The following SOCS6 variants were observed in gnomAD, a reference collection of about 807,000 sequenced individuals.
SOCS6 encodes the protein suppressor of cytokine signaling 6, also known as STAT induced STAT inhibitor-4.
In SOCS6, 5 loss-of-function variants were observed where a neutral mutation model predicts 27.7. The observed-to-expected ratio is 0.18, with a 90% CI of 0.09 to 0.38. The LOEUF is 0.38. Ranked by LOEUF, SOCS6 falls within the 10% of genes least tolerant of loss-of-function variation. The probability of loss-of-function intolerance (pLI) is 1.00; values close to 1 mark genes in which losing one functional copy is unlikely to be tolerated. For synonymous variants in SOCS6, 271 were observed against 260.0 expected (o/e 1.04, Z -0.41); for missense variants, 595 against 688.1 (o/e 0.86, Z 1.51).
rs574356822 is a variant in SOCS6, at chr18:70,302,686, A to C, written c.-127+13596A>C. ...TGAGTAGGAAGGGAAGAGGGTCTTGAAAAGCTGGTAGGCTTATCACTCTTG... is the reference window on the plus strand; with the variant it reads ...TGAGTAGGAAGGGAAGAGGGTCTTGCAAAGCTGGTAGGCTTATCACTCTTG... On this transcript the variant is annotated intron_variant, in intron 1 of 1. Coordinates refer to ENST00000397942, the MANE Select transcript of SOCS6 (RefSeq NM_004232.4). Among the ~76,000 whole-genome samples, 10 of 152,302 alleles carry C rather than the reference A, an allele frequency of 6.6e-5. No homozygotes were observed. In the South Asian group the frequency reaches 2.1e-3, roughly 32 times the overall value.
intron 1 of SOCS6, among the ~76,000 whole-genome samples, chr18:70,315,770 C>T (rs890368474): frequency 6.6e-6 from 1 of 151,950 alleles, no homozygotes; most frequent in Non-Finnish European, 1.5e-5. Context: ...TAATTCCTTA[C>T]CAGGTAGTTT....
At chr18:70,322,005 A>G (rs1472418840) in intron 1 of SOCS6, among the ~76,000 whole-genome samples, 1 of 152,198 alleles carries the variant, frequency 6.6e-6, no homozygotes, top group African/African-American at 2.4e-5. Flanking sequence ...ATTATGTGTT[A>G]TGATGACTGA....
At chr18:70,310,494 GA>G in intron 1 of SOCS6, among the ~76,000 whole-genome samples, 1 of 128,976 alleles carries the variant, frequency 7.8e-6, no homozygotes, top group Middle Eastern at 4.2e-3. Flanking sequence ...TTTTTGCAGA[GA>G]CAGGATCTTC....
intron 1 of SOCS6, among the ~76,000 whole-genome samples, chr18:70,306,875 G>C (rs1056385515): frequency 2.6e-5 from 4 of 152,094 alleles, no homozygotes; most frequent in African/African-American, 9.7e-5. Flanking sequence ...TGCATCAATT[G>C]GTTATTGATG....
chr18:70,317,845 C>G (rs968138504), intron 1 of SOCS6, among the ~76,000 whole-genome samples: 3 of 152,044 alleles, frequency 2.0e-5, no homozygotes, highest in Non-Finnish European at 4.4e-5. Flanking sequence ...ACACCAACAT[C>G]GTTTTGTTTG....
intron 1 of SOCS6, among the ~76,000 whole-genome samples, chr18:70,302,287 G>C (rs1187299416): frequency 6.6e-6 from 1 of 152,092 alleles, no homozygotes; most frequent in Non-Finnish European, 1.5e-5. Flanking sequence ...GAAATAGGAA[G>C]TTGGGCCATC....
intron 1 of SOCS6, among the ~76,000 whole-genome samples, chr18:70,313,186 T>C (rs1392533593): frequency 3.9e-5 from 6 of 152,228 alleles, no homozygotes; most frequent in Admixed American, 3.9e-4. Context: ...TTATTACCTT[T>C]CTTCTTCCTT....
Position 70,324,817 on chromosome 18 carries a change from A to G in SOCS6, c.149A>G (p.Asp50Gly). The G allele has an allele frequency of 6.2e-7, 1 of 1,614,240 alleles. No individual in the cohort carries two copies. The highest frequency in any genetic ancestry group is 8.5e-7 in the Non-Finnish European group (1 of 1,180,038). ...DSLFGSCYGKDMASCDINGED... is the reference protein window; with the variant it reads ...DSLFGSCYGKGMASCDINGED... ...TTATTTGGTAGCTGCTATGGTAAAG[A>G]TATGGCCAGCTGCGATATCAACGGT... Residue 50 changes from aspartate (D) to glycine (G), a missense_variant, in exon 2 of 2, where the codon GAT (aspartate) becomes GGT (glycine). Transcript: ENST00000397942.
chr18:70,316,241 A>G lies in SOCS6; in HGVS notation c.-126-8302A>G, dbSNP rs570340748. ...AGTCATTTAAAGATGTTTGATTTTA[A>G]TTTAATTAATTTTTTTTTGTTTGTC... On this transcript the variant is annotated intron_variant, in intron 1 of 1. Coordinates refer to ENST00000397942, the MANE Select transcript of SOCS6 (RefSeq NM_004232.4). Among the ~76,000 whole-genome samples, 18 of 152,176 alleles carry G rather than the reference A, an allele frequency of 1.2e-4. 1 individual carries two copies. Among genetic ancestry groups the G allele is most frequent in the African/African-American group, 4.3e-4 (18 of 41,538 alleles).
At chr18:70,305,380 G>C (rs1393739843) in intron 1 of SOCS6, among the ~76,000 whole-genome samples, 1 of 152,156 alleles carries the variant, frequency 6.6e-6, no homozygotes, top group African/African-American at 2.4e-5. Context: ...CTCGTCTTGG[G>C]ACGTTTCTTG....
intron 1 of SOCS6, among the ~76,000 whole-genome samples, chr18:70,310,279 GGT>G (rs1491181355): frequency 9.7e-5 from 12 of 124,028 alleles, no homozygotes; most frequent in African/African-American, 1.5e-4. Context: ...TTTCATAAAT[GGT>G]TTTTTTTTTT....
At chr18:70,321,739 A>G (rs1169431451) in intron 1 of SOCS6, among the ~76,000 whole-genome samples, 2 of 152,174 alleles carry the variant, frequency 1.3e-5, no homozygotes, top group African/African-American at 2.4e-5. Context: ...TTCTGAGACC[A>G]GAATGTTTGA....
chr18:70,313,717 C>T (rs2062399631), intron 1 of SOCS6, among the ~76,000 whole-genome samples: 1 of 152,166 alleles, frequency 6.6e-6, no homozygotes, highest in Admixed American at 6.5e-5. Context: ...ACTTTCTATT[C>T]TGTCATTTCC....
intron 1 of SOCS6, among the ~76,000 whole-genome samples, chr18:70,294,805 C>G (rs547695163): frequency 6.6e-6 from 1 of 152,146 alleles, no homozygotes; most frequent in Non-Finnish European, 1.5e-5. Context: ...AAAAAGATGC[C>G]GCACTTGCCT....
intron 1 of SOCS6, among the ~76,000 whole-genome samples, chr18:70,293,172 C>T (rs750383300): frequency 3.3e-5 from 5 of 151,910 alleles, no homozygotes; most frequent in African/African-American, 9.7e-5. Flanking sequence ...AAAGTAGTTG[C>T]GGTTTTCATG....
chr18:70,319,882 CACACAT>C (rs1169416229), intron 1 of SOCS6, among the ~76,000 whole-genome samples: 2 of 152,160 alleles, frequency 1.3e-5, no homozygotes, highest in African/African-American at 4.8e-5. Context: ...GATCGACAGA[CACACAT>C]GATTATTCCA....
rs987612666 is a variant in SOCS6 at position 70,327,927 on chromosome 18, A to C, written c.*1651A>C. Reference sequence around the variant, plus strand: ...TTTTTTCTCTTTGCTTTTTAGGGTCAGAACTGAGATATTACCAAGAAAAGG... The same window carrying C: ...TTTTTTCTCTTTGCTTTTTAGGGTCCGAACTGAGATATTACCAAGAAAAGG... On this transcript the variant is annotated 3_prime_UTR_variant, in exon 2 of 2. Transcript: ENST00000397942. 1 of 167,006 alleles carries C rather than the reference A, an allele frequency of 6.0e-6. No homozygotes were observed. Among genetic ancestry groups the C allele is most frequent in the African/African-American group, 2.4e-5 (1 of 41,454 alleles). The allele number at this position is 167,006 out of a possible 1,614,324, so 10.3% of individuals were successfully genotyped here. A position where few individuals can be genotyped will look rare whatever the true frequency, so the allele number is the denominator to read the frequency against.
Position 70,329,039 on chromosome 18 carries a change from A to G in SOCS6, c.*2763A>G, listed in dbSNP as rs111756655. 1.2e-5 allele frequency: 2 copies of G among 167,104 alleles called. No homozygotes were observed. Among genetic ancestry groups the G allele is most frequent in the African/African-American group, 4.8e-5 (2 of 41,466 alleles). 10.4% of individuals were successfully genotyped at this position (167,104 alleles called of 1,614,324 possible). A position where few individuals can be genotyped will look rare whatever the true frequency, so the allele number is the denominator to read the frequency against. The stretch of plus-strand genomic sequence containing the variant: ...CATTTGCCATAATAGATGAATCAGA[A>G]TTGTTTTCTATTAAATATTTCATCA... On this transcript the variant is annotated 3_prime_UTR_variant, in exon 2 of 2. Transcript: ENST00000397942.
At chr18:70,291,841 A>G (rs563071289) in intron 1 of SOCS6, among the ~76,000 whole-genome samples, 22 of 152,258 alleles carry the variant, frequency 1.4e-4, no homozygotes, top group Non-Finnish European at 2.1e-4. Flanking sequence ...ATACTAGTAT[A>G]TGTCATAAAA....
Sources: gnomAD v4.1 joint callset for allele counts (sites outside exome capture counted in the v4.1 genomes callset) on GRCh38, gnomAD v4.1.1 for gene constraint, MANE v1.5 for transcripts, NCBI Gene and HGNC (gene_info 2026-07-23, HGNC 2026-07-21) for gene names.